The following ZBTB9 variants were observed in gnomAD, a reference collection of about 807,000 sequenced individuals.
ZBTB9 encodes zinc finger and BTB domain-containing protein 9.
ZBTB9 carries 17 observed loss-of-function variants against 26.3 expected under a neutral mutation model. The observed-to-expected ratio is 0.65, with a 90% CI of 0.44 to 0.97. The LOEUF (loss-of-function observed/expected upper bound fraction) is 0.97. ZBTB9 is among the 50% of genes least tolerant of loss of function. The probability of loss-of-function intolerance (pLI) is 0.00; values close to 1 mark genes in which losing one functional copy is unlikely to be tolerated. For missense variants in ZBTB9, 510 were observed against 594.2 expected (o/e 0.86, Z 1.47); for synonymous variants, 226 against 234.3 (o/e 0.96, Z 0.32).
At position 33,455,516 on chromosome 6, in the gene ZBTB9, G is replaced by C; in HGVS notation, c.416G>C (p.Arg139Thr). The C allele has an allele frequency of 6.2e-7, 1 of 1,614,202 alleles. No individual in the cohort carries two copies. Among genetic ancestry groups the C allele is most frequent in the Non-Finnish European group, 8.5e-7 (1 of 1,180,022 alleles). ...QVVDQCSEIL[R>T]ELETSGGGIS... ...GTAGATCAGTGCTCAGAAATTCTTAGAGAATTAGAAACTTCAGGTGGTGGA... is the reference window on the plus strand; with the variant it reads ...GTAGATCAGTGCTCAGAAATTCTTACAGAATTAGAAACTTCAGGTGGTGGA... The change falls in exon 2 of 2, where the codon AGA (arginine) becomes ACA (threonine). Residue 139 changes from arginine (R) to threonine (T), a missense_variant. This residue lies in a region of ZBTB9 where 439 missense variants were observed against 460.4 expected (regional missense o/e 0.95). Coordinates refer to ENST00000395064, the MANE Select transcript of ZBTB9 (RefSeq NM_152735.4).
chr6:33,453,783 C>T (rs953583853), upstream of ZBTB9: 4 of 151,984 alleles, frequency 2.6e-5, no homozygotes, highest in African/African-American at 9.7e-5. Context: ...AGAGGAAAAC[C>T]GTATATCCCC....
chr6:33,455,174 TC>T lies in ZBTB9; in HGVS notation c.75del (p.Ile25MetfsTer14). 1 of 1,614,038 alleles carries T rather than the reference TC, an allele frequency of 6.2e-7. No homozygotes were observed. The highest frequency in any genetic ancestry group is 8.5e-7 in the Non-Finnish European group (1 of 1,180,008). On this transcript the variant is annotated frameshift_variant, in exon 2 of 2. Coordinates refer to ENST00000395064, the MANE Select transcript of ZBTB9 (RefSeq NM_152735.4). LOFTEE classifies it low-confidence loss of function (END_TRUNC). ...AACCCAGCCCCACGGACAATCCAGA[TC>T]GAGTTCCCACAGCATAGCTCGTCTC... is the stretch of plus-strand genomic sequence containing the variant. ...TCNPAPRTIQIEFPQHSSSLL... is the reference protein window; with the variant it reads ...TCNPAPRTIQXEFPQHSSSLL...
At chr6:33,454,845 T>G in intron 1 of ZBTB9, 70 bp downstream of exon 1, 2 of 520,420 alleles carry the variant, frequency 3.8e-6, no homozygotes, top group East Asian at 3.1e-5. Flanking sequence ...AAAACCCCTG[T>G]TGGTGTTTAG....
intron 1 of ZBTB9, 65 bp downstream of exon 1, chr6:33,454,840 C>T (rs946262989): frequency 3.8e-6 from 2 of 520,352 alleles, no homozygotes; most frequent in Middle Eastern, 5.0e-4. Context: ...AAGTTAAAAC[C>T]CCTGTTGGTG....
chr6:33,455,710 G>A lies in ZBTB9; in HGVS notation c.610G>A (p.Gly204Arg), dbSNP rs763355986. Reference sequence around the variant, plus strand: ...TGTGGGAGGGGAGGGAAGTGAACTGGGAGAAGTGCTGCAAATTCAGGTGGA... The same window carrying A: ...TGTGGGAGGGGAGGGAAGTGAACTGAGAGAAGTGCTGCAAATTCAGGTGGA... ...SPVGGEGSEL[G>R]EVLQIQVEEE... Residue 204 changes from glycine (G) to arginine (R), a missense_variant, in exon 2 of 2, where the codon GGA (glycine) becomes AGA (arginine). By Grantham distance (125) the Gly-to-Arg change is moderately radical. Coordinates refer to ENST00000395064, the MANE Select transcript of ZBTB9 (RefSeq NM_152735.4). 1 of 1,614,170 alleles carries A rather than the reference G, an allele frequency of 6.2e-7. No homozygotes were observed. The highest frequency in any genetic ancestry group is 8.5e-7 in the Non-Finnish European group (1 of 1,180,024).
Position 33,455,757 on chromosome 6 carries a change from AGAT to A in ZBTB9, c.669_671del (p.Asp223del), listed in dbSNP as rs760383388. ...TGGAAGAAGAAGAGGAGGAGGAGGA[AGAT>A]GATGATGATGAGGACCAGGGGTCAG... On this transcript the variant is annotated inframe_deletion, in exon 2 of 2. Transcript: ENST00000395064. The A allele has an allele frequency of 1.9e-5, 30 of 1,613,538 alleles. No homozygotes were observed. The highest frequency in any genetic ancestry group is 1.5e-4 in the African/African-American group (11 of 75,014).
intron 1 of ZBTB9, 105 bp downstream of exon 1, chr6:33,454,880 G>A (rs1761448593): frequency 1.7e-6 from 1 of 588,066 alleles, no homozygotes; most frequent in Non-Finnish European, 2.8e-6. Context: ...GTTGTTGTTT[G>A]TTTTTGCTTT....
upstream of ZBTB9, chr6:33,454,504 G>C (rs1188282855): frequency 1.3e-5 from 2 of 155,024 alleles, no homozygotes; most frequent in African/African-American, 2.4e-5. Context: ...CTTGTAGGCT[G>C]CCGTTCCTCG....
chr6:33,455,017 T>G lies in ZBTB9; in HGVS notation c.-71-13T>G. 6.6e-7 allele frequency: 1 copy of G among 1,512,042 alleles called. No homozygotes were observed. The highest frequency in any genetic ancestry group is 1.3e-5 in the South Asian group (1 of 74,332). 93.7% of individuals were successfully genotyped at this position (1,512,042 alleles called of 1,614,324 possible). A position where few individuals can be genotyped will look rare whatever the true frequency, so the allele number is the denominator to read the frequency against. On this transcript the variant is annotated splice_polypyrimidine_tract_variant and intron_variant, in intron 1 of 1. Coordinates refer to ENST00000395064, the MANE Select transcript of ZBTB9 (RefSeq NM_152735.4). ...TCCAGGGCTTCTGTGACCTCCATCT[T>G]TTTCCTCTGCAGCCTTCATCCCGCG...
chr6:33,456,205 G>T lies in ZBTB9; in HGVS notation c.1105G>T (p.Gly369Trp). The T allele has an allele frequency of 6.2e-7, 1 of 1,611,412 alleles. No homozygotes were observed. The highest frequency in any genetic ancestry group is 8.5e-7 in the Non-Finnish European group (1 of 1,178,818). ...TGGGGGAGCAGGCCAGGCCGTGCAT[G>T]GGCCTGTGAAGCTAGGGGGGACACC... Reference protein sequence around the residue: ...GPGGAGQAVHGPVKLGGTPPA... With the variant: ...GPGGAGQAVHWPVKLGGTPPA... Residue 369 changes from glycine (G) to tryptophan (W), a missense_variant, in exon 2 of 2, where the codon GGG (glycine) becomes TGG (tryptophan). This residue lies in a region of ZBTB9 where 439 missense variants were observed against 460.4 expected (regional missense o/e 0.95). Coordinates refer to ENST00000395064, the MANE Select transcript of ZBTB9 (RefSeq NM_152735.4). This position sits in a 1 kb window ranked among gnomAD's most constrained non-coding sequence, Gnocchi z 5.1.
chr6:33,456,406 G>A lies in ZBTB9; in HGVS notation c.1306G>A (p.Ala436Thr). The A allele has an allele frequency of 6.2e-7, 1 of 1,614,186 alleles. No homozygotes were observed. The highest frequency in any genetic ancestry group is 8.5e-7 in the Non-Finnish European group (1 of 1,180,032). The part of the protein sequence containing the change: ...LTEHMKTHAG[A>T]LHACPHCGRR... ...AGAGCACATGAAGACCCATGCTGGA[G>A]CCCTGCATGCCTGTCCCCACTGTGG... is the stretch of plus-strand genomic sequence containing the variant. The change falls in exon 2 of 2, where the codon GCC (alanine) becomes ACC (threonine). Residue 436 changes from alanine to threonine, a missense_variant. Around this residue, in one of 2 missense-constraint regions of ZBTB9, gnomAD observed 71 missense variants for 133.8 expected, o/e 0.53. Coordinates refer to ENST00000395064, the MANE Select transcript of ZBTB9 (RefSeq NM_152735.4). The surrounding 1 kb of genome is among the most constrained non-coding windows in gnomAD (Gnocchi z 5.1).
At chr6:33,454,241 C>T (rs1761427458), upstream of ZBTB9, 1 of 152,226 alleles carries the variant, frequency 6.6e-6, no homozygotes, top group South Asian at 2.1e-4. Context: ...GGTAAGTACC[C>T]AACTAATCTC....
Position 33,455,553 on chromosome 6 carries a change from T to C in ZBTB9, c.453T>C (p.Arg151=). 6.2e-7 allele frequency: 1 copy of C among 1,614,162 alleles called. No individual in the cohort carries two copies. Among genetic ancestry groups the C allele is most frequent in the Non-Finnish European group, 8.5e-7 (1 of 1,180,020 alleles). ...CTTCAGGTGGTGGAATTTCAGCCCGTGGAGGAAACTCCTACCATGCCCTTC... is the reference window on the plus strand; with the variant it reads ...CTTCAGGTGGTGGAATTTCAGCCCGCGGAGGAAACTCCTACCATGCCCTTC... ...LETSGGGISA[R]GGNSYHALLS... Residue 151 remains arginine, a synonymous_variant, in exon 2 of 2, where the codon CGT becomes CGC. Transcript: ENST00000395064.
Position 33,455,290 on chromosome 6 carries a change from G to A in ZBTB9, c.190G>A (p.Ala64Thr), listed in dbSNP as rs150099333. ...VQGRELRAHK[A>T]VLAAASPYFH... ...GGGCCGGGAACTTAGGGCTCATAAA[G>A]CAGTGTTAGCTGCTGCCTCTCCTTA... Residue 64 changes from alanine (A) to threonine (T), a missense_variant, in exon 2 of 2, where the codon GCA (alanine) becomes ACA (threonine). Ala to Thr is a moderately conservative substitution (Grantham distance 58). This residue lies in a region of ZBTB9 where 439 missense variants were observed against 460.4 expected (regional missense o/e 0.95). Coordinates refer to ENST00000395064, the MANE Select transcript of ZBTB9 (RefSeq NM_152735.4). 6 of 1,614,216 alleles carry A rather than the reference G, an allele frequency of 3.7e-6. No individual in the cohort carries two copies. In the South Asian group the frequency reaches 6.6e-5, roughly 18 times the overall value.
chr6:33,456,759 G>A lies in ZBTB9; in HGVS notation c.*237G>A, dbSNP rs1253119851. The A allele has an allele frequency of 3.3e-6, 2 of 609,800 alleles. No individual in the cohort carries two copies. The highest frequency in any genetic ancestry group is 3.6e-5 in the South Asian group (1 of 27,970). 37.8% of individuals were successfully genotyped at this position (609,800 alleles called of 1,614,324 possible). The stretch of plus-strand genomic sequence containing the variant: ...AACCCTGCAGGAAAGTGGTTTATAG[G>A]CCATTCATACTTAAGTTGATCACTT... On this transcript the variant is annotated 3_prime_UTR_variant, in exon 2 of 2. Transcript: ENST00000395064. The surrounding 1 kb of genome is among the most constrained non-coding windows in gnomAD (Gnocchi z 5.1).
rs1048748723 is a variant in ZBTB9, at chr6:33,457,520, A to C, written c.*998A>C. 1 of 166,886 alleles carries C rather than the reference A, an allele frequency of 6.0e-6. No individual in the cohort carries two copies. The highest frequency in any genetic ancestry group is 1.5e-5 in the Non-Finnish European group (1 of 68,164). The allele number at this position is 166,886 out of a possible 1,614,324, so 10.3% of individuals were successfully genotyped here. ...GACTTGCAGTTACTTAAAATTTTTT[A>C]ATAAACTGTGCCCTGAAACCTAAAC... is the stretch of plus-strand genomic sequence containing the variant. On this transcript the variant is annotated 3_prime_UTR_variant, in exon 2 of 2. Transcript: ENST00000395064.
upstream of ZBTB9, chr6:33,453,915 T>C (rs761598117): frequency 6.6e-6 from 1 of 152,232 alleles, no homozygotes; most frequent in South Asian, 2.1e-4. Flanking sequence ...CTCACCACTG[T>C]GTCACTTAGT....
upstream of ZBTB9, chr6:33,453,989 TTTTA>T (rs1292344387): frequency 6.6e-6 from 1 of 152,248 alleles, no homozygotes; most frequent in East Asian, 1.9e-4. Flanking sequence ...CATTTATCTC[TTTTA>T]AAAATTACCT....
At chr6:33,454,854 A>C in intron 1 of ZBTB9, 79 bp downstream of exon 1, 1 of 543,338 alleles carries the variant, frequency 1.8e-6, no homozygotes. Flanking sequence ...GTTGGTGTTT[A>C]GTGGTGGTGG....
Sources: gnomAD v4.1 joint callset for allele counts on GRCh38, gnomAD v4.1.1 for gene constraint, gnomAD v4.1.1 regional missense constraint, Gnocchi (gnomAD v3.1) non-coding constraint, MANE v1.5 for transcripts, NCBI Gene and HGNC (gene_info 2026-07-23, HGNC 2026-07-21) for gene names.